The following ARFGEF3 variants were observed in gnomAD, a reference collection of about 807,000 sequenced individuals.
ARFGEF3 encodes ARFGEF family member 3.
A neutral mutation model predicts 221.7 loss-of-function variants in ARFGEF3; 96 were observed. The ratio of observed to expected loss-of-function variants is 0.43; its 90% confidence interval spans 0.37 to 0.51. The LOEUF (loss-of-function observed/expected upper bound fraction) is 0.51. Ranked by LOEUF, ARFGEF3 falls within the 20% of genes least tolerant of loss-of-function variation. The pLI is 0.00. For synonymous variants in ARFGEF3, 1,145 were observed against 1,126.8 expected (o/e 1.02, Z -0.32); for missense variants, 2,410 against 2,789.9 (o/e 0.86, Z 3.07).
chr6:138,334,490 G>A lies in ARFGEF3; in HGVS notation c.5644G>A (p.Ala1882Thr). Reference sequence around the variant, plus strand: ...AGGCAAGGAGAAGAGACAGTGGCGGGCACGGATGCCCTTGCTCAGCGTCCA... The same window carrying A: ...AGGCAAGGAGAAGAGACAGTGGCGGACACGGATGCCCTTGCTCAGCGTCCA... The part of the protein sequence containing the change: ...PRGKEKRQWR[A>T]RMPLLSVQPV... The change falls in exon 33 of 34, where the codon GCA becomes ACA. Residue 1882 changes from alanine (A) to threonine (T), a missense_variant. Physicochemically the swap from Ala to Thr is moderately conservative, Grantham distance 58. This residue lies in a region of ARFGEF3 where 723 missense variants were observed against 991.9 expected (regional missense o/e 0.73). Coordinates refer to ENST00000251691, the MANE Select transcript of ARFGEF3 (RefSeq NM_020340.5). The surrounding 1 kb of genome is among the most constrained non-coding windows in gnomAD (Gnocchi z 5.1). The A allele has an allele frequency of 6.2e-7, 1 of 1,606,012 alleles. No individual in the cohort carries two copies. Among genetic ancestry groups the A allele is most frequent in the South Asian group, 1.1e-5 (1 of 90,352 alleles).
chr6:138,309,762 A>G (rs1405823138), intron 24 of ARFGEF3, among the ~76,000 whole-genome samples: 3 of 152,220 alleles, frequency 2.0e-5, no homozygotes, highest in African/African-American at 7.2e-5. Context: ...GAGAACCTGT[A>G]GTTCTAAGAC....
chr6:138,338,627 T>A lies in ARFGEF3; in HGVS notation c.*2141T>A, dbSNP rs1780375154. On this transcript the variant is annotated 3_prime_UTR_variant, in exon 34 of 34. Coordinates refer to ENST00000251691, the MANE Select transcript of ARFGEF3 (RefSeq NM_020340.5). The stretch of plus-strand genomic sequence containing the variant: ...CCAGGCTGGACAACATGGTGAAACC[T>A]CGTCTCTACTAAAAATACAAAAATT... 6 of 151,916 alleles carry A rather than the reference T, an allele frequency of 3.9e-5. No homozygotes were observed. In the South Asian group the frequency reaches 1.2e-3, roughly 32 times the overall value. 9.4% of individuals were successfully genotyped at this position (151,916 alleles called of 1,614,324 possible).
At position 138,255,756 on chromosome 6, in the gene ARFGEF3, A is replaced by G; in HGVS notation, c.1091A>G (p.Lys364Arg). 6.4e-7 allele frequency: 1 copy of G among 1,567,168 alleles called. No homozygotes were observed. Among genetic ancestry groups the G allele is most frequent in the Non-Finnish European group, 8.7e-7 (1 of 1,151,050 alleles). Reference sequence around the variant, plus strand: ...CCCCAGCACCGGGTGGAAGCCATCAAAATAATGAAAGAGGTGAGGAGGCAC... The same window carrying G: ...CCCCAGCACCGGGTGGAAGCCATCAGAATAATGAAAGAGGTGAGGAGGCAC... ...PPPQHRVEAIKIMKEILGSPQ... is the reference protein window; with the variant it reads ...PPPQHRVEAIRIMKEILGSPQ... Residue 364 changes from lysine to arginine, a missense_variant, in exon 10 of 34, where the codon AAA becomes AGA. Coordinates refer to ENST00000251691, the MANE Select transcript of ARFGEF3 (RefSeq NM_020340.5).
In ARFGEF3 at chr6:138,343,508, A is replaced by T. The variant is rs1780466411; in HGVS notation, c.*7022A>T. 6.6e-6 allele frequency: 1 copy of T among 150,382 alleles called. No homozygotes were observed. Among genetic ancestry groups the T allele is most frequent in the Non-Finnish European group, 1.5e-5 (1 of 67,586 alleles). 9.3% of individuals were successfully genotyped at this position (150,382 alleles called of 1,614,324 possible). A position where few individuals can be genotyped will look rare whatever the true frequency, so the allele number is the denominator to read the frequency against. ...TAGTTTCCCATAATTTTTGGAAATT[A>T]TGTGTGCATTTAGTTCTTTTAGTAA... On this transcript the variant is annotated 3_prime_UTR_variant, in exon 34 of 34. Transcript: ENST00000251691.
intron 8 of ARFGEF3, among the ~76,000 whole-genome samples, chr6:138,251,804 G>T (rs921876903): frequency 6.6e-6 from 1 of 152,012 alleles, no homozygotes; most frequent in Non-Finnish European, 1.5e-5. Context: ...CTAAGAAGTT[G>T]CTCCTGCCAT....
intron 12 of ARFGEF3, among the ~76,000 whole-genome samples, chr6:138,263,898 A>G (rs1778836856): frequency 6.6e-6 from 1 of 152,214 alleles, no homozygotes; most frequent in Non-Finnish European, 1.5e-5. Context: ...ACTGATTGAA[A>G]CAAGATGACA....
intron 12 of ARFGEF3, among the ~76,000 whole-genome samples, chr6:138,268,182 CAA>C (rs1778932497): frequency 6.6e-6 from 1 of 152,134 alleles, no homozygotes; most frequent in Non-Finnish European, 1.5e-5. Flanking sequence ...TAAAAATTAA[CAA>C]AAGAGAAAAC....
At chr6:138,182,398 G>A (rs751281579) in intron 2 of ARFGEF3, among the ~76,000 whole-genome samples, 37 of 152,082 alleles carry the variant, frequency 2.4e-4, no homozygotes, top group Non-Finnish European at 4.6e-4. Context: ...TTTCGCCATT[G>A]CCCACTCACA....
At chr6:138,319,672 G>A (rs1409760016) in intron 27 of ARFGEF3, 31 bp from the exon 28 acceptor site, 1 of 1,539,788 alleles carries the variant, frequency 6.5e-7, no homozygotes, top group South Asian at 1.2e-5. Flanking sequence ...TTTTATTACA[G>A]GTTGTTGCTA....
chr6:138,282,345 T>C (rs926133152), intron 14 of ARFGEF3, among the ~76,000 whole-genome samples: 11 of 152,306 alleles, frequency 7.2e-5, no homozygotes, highest in Non-Finnish European at 1.6e-4. Flanking sequence ...GGAGTGTCTG[T>C]ATCCTCACAC....
At chr6:138,269,722 G>A (rs1028672419) in intron 12 of ARFGEF3, among the ~76,000 whole-genome samples, 7 of 152,180 alleles carry the variant, frequency 4.6e-5, no homozygotes, top group Non-Finnish European at 1.0e-4. Flanking sequence ...CAGTAGAATC[G>A]CTTGAACCCA....
chr6:138,280,851 C>T (rs1779185412), intron 14 of ARFGEF3, among the ~76,000 whole-genome samples: 1 of 151,822 alleles, frequency 6.6e-6, no homozygotes, highest in African/African-American at 2.4e-5. Context: ...GACCCTGTCT[C>T]AAAACAAAAA....
intron 2 of ARFGEF3, among the ~76,000 whole-genome samples, chr6:138,184,082 T>C (rs1012400061): frequency 5.9e-5 from 9 of 152,218 alleles, no homozygotes; most frequent in African/African-American, 1.9e-4. Flanking sequence ...CCCTGTACAT[T>C]TTTAAAAATT....
chr6:138,202,472 C>T (rs1190905342), intron 2 of ARFGEF3, among the ~76,000 whole-genome samples: 1 of 152,066 alleles, frequency 6.6e-6, no homozygotes, highest in African/African-American at 2.4e-5. Context: ...GGGTTCATTT[C>T]CAATTGAAGT....
chr6:138,188,939 A>G (rs1281819717), intron 2 of ARFGEF3, among the ~76,000 whole-genome samples: 3 of 152,232 alleles, frequency 2.0e-5, no homozygotes, highest in African/African-American at 2.4e-5. Flanking sequence ...GGGGATGTTC[A>G]GTAGTTGAAA....
intron 2 of ARFGEF3, among the ~76,000 whole-genome samples, chr6:138,195,402 A>G (rs1049967280): frequency 6.6e-5 from 10 of 152,188 alleles, no homozygotes; most frequent in African/African-American, 2.4e-4. Context: ...CACATTCCCA[A>G]AAGGCAAAGT....
chr6:138,181,106 A>G (rs748452340), intron 2 of ARFGEF3, among the ~76,000 whole-genome samples: 1 of 152,174 alleles, frequency 6.6e-6, no homozygotes, highest in African/African-American at 2.4e-5. Flanking sequence ...ATTAATAAGG[A>G]AGACCTACAA....
intron 4 of ARFGEF3, among the ~76,000 whole-genome samples, chr6:138,214,484 T>C (rs757431633): frequency 2.6e-5 from 4 of 152,244 alleles, no homozygotes; most frequent in Non-Finnish European, 4.4e-5. Flanking sequence ...CCATGCAGTT[T>C]TTATTTGTCT....
At chr6:138,203,166 G>A (rs999658348) in intron 2 of ARFGEF3, among the ~76,000 whole-genome samples, 5 of 152,156 alleles carry the variant, frequency 3.3e-5, no homozygotes, top group Non-Finnish European at 5.9e-5. Flanking sequence ...GTATGTGTGT[G>A]TGTGTGTGTG....
Sources: gnomAD v4.1 joint callset for allele counts (sites outside exome capture counted in the v4.1 genomes callset) on GRCh38, gnomAD v4.1.1 for gene constraint, gnomAD v4.1.1 regional missense constraint, Gnocchi (gnomAD v3.1) non-coding constraint, MANE v1.5 for transcripts, NCBI Gene and HGNC (gene_info 2026-07-23, HGNC 2026-07-21) for gene names.